The following ZDHHC14 variants were observed in gnomAD, a reference collection of about 807,000 sequenced individuals.
ZDHHC14 encodes the protein palmitoyltransferase ZDHHC14.
In ZDHHC14, 16 loss-of-function variants were observed where a neutral mutation model predicts 47.7. The observed-to-expected ratio is 0.34, with a 90% CI of 0.23 to 0.51. The LOEUF (loss-of-function observed/expected upper bound fraction) is 0.51, where lower values mean the gene tolerates loss of function less well. Among genes scored for constraint, ZDHHC14 ranks in the 20% least tolerant of loss-of-function variants. ZDHHC14 has a pLI of 0.97. For missense variants in ZDHHC14, 515 were observed against 662.5 expected (o/e 0.78, Z 2.44); for synonymous variants, 293 against 278.9 (o/e 1.05, Z -0.50).
At chr6:157,628,598 C>A in intron 4 of ZDHHC14, 112 bp downstream of exon 4, 1 of 1,380,106 alleles carries the variant, frequency 7.2e-7, no homozygotes, top group Non-Finnish European at 9.9e-7. Flanking sequence ...CTTTCCCTTT[C>A]TTTCTCCCTT....
chr6:157,568,459 T>G (rs1465424255), intron 2 of ZDHHC14, among the ~76,000 whole-genome samples: 1 of 112,072 alleles, frequency 8.9e-6, no homozygotes, highest in East Asian at 3.0e-4. Flanking sequence ...CCTCTTAATA[T>G]ACTTGAACCT....
intron 1 of ZDHHC14, among the ~76,000 whole-genome samples, chr6:157,465,602 C>CT (rs1434091467): frequency 6.7e-6 from 1 of 149,068 alleles, no homozygotes; most frequent in Non-Finnish European, 1.5e-5. Context: ...GCAAGAGATG[C>CT]TAAAAAAAAA....
intron 5 of ZDHHC14, among the ~76,000 whole-genome samples, chr6:157,643,795 G>A (rs1211085234): frequency 1.3e-5 from 2 of 151,234 alleles, no homozygotes; most frequent in African/African-American, 4.8e-5. Flanking sequence ...GCCACTTTCA[G>A]TCTGGGATTG....
At chr6:157,563,528 A>T (rs1456137143) in intron 2 of ZDHHC14, among the ~76,000 whole-genome samples, 1 of 152,194 alleles carries the variant, frequency 6.6e-6, no homozygotes, top group Non-Finnish European at 1.5e-5. Context: ...TGCTTATTAG[A>T]GAGACCCCAT....
intron 2 of ZDHHC14, among the ~76,000 whole-genome samples, chr6:157,566,849 AT>A (rs34288957): frequency 0.4 from 54,108 of 136,622 alleles, 10,620 homozygotes; most frequent in African/African-American, 0.53. Context: ...AGCAAGGGGA[AT>A]TTTTTTTTTT....
chr6:157,593,214 C>A lies in ZDHHC14; in HGVS notation c.565+68C>A. On this transcript the variant is annotated intron_variant, in intron 3 of 8. Transcript: ENST00000359775. ...CCGGGTGGGTTTGCGCCTCTCCAAC[C>A]CTGCGCCACGGAACACTCAGTAATG... 2.0e-6 allele frequency: 3 copies of A among 1,525,756 alleles called. 1 individual carries two copies. The highest frequency in any genetic ancestry group is 2.3e-5 in the East Asian group (1 of 44,194). The allele number at this position is 1,525,756 out of a possible 1,614,324, so 94.5% of individuals were successfully genotyped here. A position where few individuals can be genotyped will look rare whatever the true frequency, so the allele number is the denominator to read the frequency against.
At chr6:157,400,113 T>C (rs1777603641) in intron 1 of ZDHHC14, among the ~76,000 whole-genome samples, 1 of 152,268 alleles carries the variant, frequency 6.6e-6, no homozygotes, top group South Asian at 2.1e-4. Context: ...GAACTTTTTC[T>C]ATTTTTTCTT....
At position 157,642,068 on chromosome 6, in the gene ZDHHC14, A is replaced by AGATG. The variant is rs1377233511; in HGVS notation, c.753-3668_753-3667insATGG. 3.3e-5 allele frequency among the ~76,000 whole-genome samples: 5 copies of AGATG among 152,224 alleles called. No homozygotes were observed. The South Asian group carries it at 6.2e-4, about 19-fold the overall frequency. On this transcript the variant is annotated intron_variant, in intron 5 of 8. Coordinates refer to ENST00000359775, the MANE Select transcript of ZDHHC14 (RefSeq NM_024630.3). ...TAGATAGATAGATAGATAGATAGAT[A>AGATG]GTTATCATGTTGGAAATTAGAACTA...
intron 2 of ZDHHC14, among the ~76,000 whole-genome samples, chr6:157,581,262 T>C (rs1220074398): frequency 6.6e-6 from 1 of 151,982 alleles, no homozygotes; most frequent in Non-Finnish European, 1.5e-5. Flanking sequence ...GATTTTTTAT[T>C]TTTCTTGTGC....
chr6:157,634,700 C>T (rs1776879337), intron 5 of ZDHHC14, among the ~76,000 whole-genome samples: 1 of 152,270 alleles, frequency 6.6e-6, no homozygotes, highest in East Asian at 1.9e-4. Flanking sequence ...GTGGCAGCTT[C>T]AGCCAACTCC....
At chr6:157,476,890 G>A (rs1583684023) in intron 1 of ZDHHC14, among the ~76,000 whole-genome samples, 2 of 152,232 alleles carry the variant, frequency 1.3e-5, no homozygotes, top group Non-Finnish European at 2.9e-5. Flanking sequence ...AGGTGTAGAA[G>A]GAATGTACCT....
At chr6:157,643,650 A>T (rs1399820672) in intron 5 of ZDHHC14, among the ~76,000 whole-genome samples, 1 of 72,522 alleles carries the variant, frequency 1.4e-5, no homozygotes, top group Non-Finnish European at 3.0e-5. Flanking sequence ...CTTCATCTCA[A>T]ATATATATAT....
intron 1 of ZDHHC14, among the ~76,000 whole-genome samples, chr6:157,465,818 G>A (rs2114819576): frequency 6.6e-6 from 1 of 152,224 alleles, no homozygotes; most frequent in South Asian, 2.1e-4. Context: ...GAGGCAGGTG[G>A]ATCACCTGAG....
intron 1 of ZDHHC14, among the ~76,000 whole-genome samples, chr6:157,488,305 G>A (rs185955413): frequency 1.4e-4 from 22 of 152,320 alleles, no homozygotes; most frequent in Non-Finnish European, 2.1e-4. Context: ...TCTCCTGGCA[G>A]GGAGCCCACG....
At chr6:157,487,172 C>T (rs528800004) in intron 1 of ZDHHC14, among the ~76,000 whole-genome samples, 1 of 152,342 alleles carries the variant, frequency 6.6e-6, no homozygotes, top group South Asian at 2.1e-4. Context: ...TTGACCCCGG[C>T]CCTGGCCACC....
intron 8 of ZDHHC14, among the ~76,000 whole-genome samples, chr6:157,662,933 A>G (rs891275432): frequency 3.3e-5 from 5 of 152,390 alleles, no homozygotes; most frequent in Admixed American, 6.5e-5. Flanking sequence ...TGTTAACTTC[A>G]TTAATTGTTA....
chr6:157,499,582 C>A (rs1197783084), intron 1 of ZDHHC14, among the ~76,000 whole-genome samples: 1 of 151,930 alleles, frequency 6.6e-6, no homozygotes, highest in Non-Finnish European at 1.5e-5. Flanking sequence ...GGTTTGAGAC[C>A]GTCAGTCCAG....
At chr6:157,421,626 G>A (rs1778107170) in intron 1 of ZDHHC14, among the ~76,000 whole-genome samples, 1 of 148,906 alleles carries the variant, frequency 6.7e-6, no homozygotes, top group South Asian at 2.1e-4. Context: ...TTTCTTTTTT[G>A]AGACAGAGTC....
intron 1 of ZDHHC14, among the ~76,000 whole-genome samples, chr6:157,388,248 A>G (rs1187647096): frequency 6.6e-6 from 1 of 151,926 alleles, no homozygotes; most frequent in East Asian, 1.9e-4. Flanking sequence ...GAAGGATACT[A>G]TTGACTACAC....
Sources: allele counts gnomAD v4.1 joint callset (sites outside exome capture counted in the v4.1 genomes callset), GRCh38; gene constraint gnomAD v4.1.1; transcripts MANE v1.5; gene names NCBI Gene and HGNC (gene_info 2026-07-23, HGNC 2026-07-21).